IGF2BP2: variants seen among roughly 807,000 people sequenced by gnomAD.
The protein encoded by IGF2BP2 is insulin-like growth factor 2 mRNA-binding protein 2.
IGF2BP2 carries 17 observed loss-of-function variants against 75.8 expected under a neutral mutation model. The observed-to-expected ratio is 0.22, with a 90% CI of 0.15 to 0.34. The LOEUF (loss-of-function observed/expected upper bound fraction) is 0.34. IGF2BP2 is among the 10% of genes least tolerant of loss of function. The probability of loss-of-function intolerance (pLI) is 1.00; values close to 1 mark genes in which losing one functional copy is unlikely to be tolerated. For synonymous variants in IGF2BP2, 288 were observed against 295.6 expected (o/e 0.97, Z 0.26); for missense variants, 516 against 772.4 (o/e 0.67, Z 3.93).
At chr3:185,774,334 G>A (rs564901314) in intron 2 of IGF2BP2, among the ~76,000 whole-genome samples, 50 of 152,254 alleles carry the variant, frequency 3.3e-4, no homozygotes, top group African/African-American at 1.1e-3. Flanking sequence ...GGTGGTTCCC[G>A]CCTGTAAGGC....
chr3:185,677,024 GAGATATATATATATATGGAGATAT>G (rs1200254368), intron 7 of IGF2BP2, among the ~76,000 whole-genome samples: 1 of 93,868 alleles, frequency 1.1e-5, no homozygotes, highest in African/African-American at 4.5e-5. Context: ...TATATGGAGA[GAGATATATATATATATGGAGATAT>G]ATATATATAT....
intron 1 of IGF2BP2, 29 bp from the exon 2 acceptor site, chr3:185,823,242 AC>A: frequency 6.3e-7 from 1 of 1,579,068 alleles, no homozygotes; most frequent in Non-Finnish European, 8.6e-7. Context: ...AGCACTCAGA[AC>A]CTTGCTTAGA....
Position 185,645,496 on chromosome 3 carries a change from A to G in IGF2BP2, c.*35T>C. 1 of 1,444,362 alleles carries G rather than the reference A, an allele frequency of 6.9e-7. No homozygotes were observed. Among genetic ancestry groups the G allele is most frequent in the Non-Finnish European group, 9.7e-7 (1 of 1,025,686 alleles). The allele number at this position is 1,444,362 out of a possible 1,614,324, so 89.5% of individuals were successfully genotyped here. A position where few individuals can be genotyped will look rare whatever the true frequency, so the allele number is the denominator to read the frequency against. ...TTCTGTCAGGTGTTGGAAGGGCTACATTCATCCGTTGTTTTGCTGGTGCCT... is the reference window on the plus strand; with the variant it reads ...TTCTGTCAGGTGTTGGAAGGGCTACGTTCATCCGTTGTTTTGCTGGTGCCT... On this transcript the variant is annotated 3_prime_UTR_variant, in exon 16 of 16. Transcript: ENST00000382199. The surrounding 1 kb of genome is among the most constrained non-coding windows in gnomAD (Gnocchi z 4.9).
intron 10 of IGF2BP2, among the ~76,000 whole-genome samples, chr3:185,659,855 C>A (rs1577849404): frequency 6.6e-6 from 1 of 151,186 alleles, no homozygotes; most frequent in African/African-American, 2.4e-5. Context: ...AGTGCAGTGG[C>A]GCAATCTCGG....
intron 2 of IGF2BP2, among the ~76,000 whole-genome samples, chr3:185,731,083 G>GT (rs1728102052): frequency 6.6e-6 from 1 of 152,064 alleles, no homozygotes; most frequent in South Asian, 2.1e-4. Flanking sequence ...AACTTCCTCG[G>GT]TTTTAACTCC....
chr3:185,781,776 T>C (rs1735230956), intron 2 of IGF2BP2, among the ~76,000 whole-genome samples: 1 of 151,996 alleles, frequency 6.6e-6, no homozygotes, highest in Non-Finnish European at 1.5e-5. Flanking sequence ...TCATAAGTTG[T>C]TTGTGTTTGT....
rs1713102883 is a variant in IGF2BP2 at position 185,644,071 on chromosome 3, C to T, written c.*1460G>A. ...GACAATTCAGAACAGCTGTTGCACACTTGGACTGTCACCTTCTCCAGGCTG... is the reference window on the plus strand; with the variant it reads ...GACAATTCAGAACAGCTGTTGCACATTTGGACTGTCACCTTCTCCAGGCTG... On this transcript the variant is annotated 3_prime_UTR_variant, in exon 16 of 16. Coordinates refer to ENST00000382199, the MANE Select transcript of IGF2BP2 (RefSeq NM_006548.6). 6.6e-6 allele frequency: 1 copy of T among 152,162 alleles called. No individual in the cohort carries two copies. The highest frequency in any genetic ancestry group is 6.6e-5 in the Admixed American group (1 of 15,232). The allele number at this position is 152,162 out of a possible 1,614,324, so 9.4% of individuals were successfully genotyped here.
At chr3:185,823,272 A>AG (rs982362818) in intron 1 of IGF2BP2, 59 bp from the exon 2 acceptor site, 476 of 1,358,734 alleles carry the variant, frequency 3.5e-4, no homozygotes, top group Non-Finnish European at 4.3e-4. Context: ...GCGGGGGTCT[A>AG]GGGGGGGCAC....
At chr3:185,691,483 A>G (rs781698272) in intron 5 of IGF2BP2, among the ~76,000 whole-genome samples, 9 of 152,356 alleles carry the variant, frequency 5.9e-5, no homozygotes, top group Non-Finnish European at 1.3e-4. Context: ...ATGTTGAAAA[A>G]GAACACTATA....
chr3:185,792,286 T>A (rs1209511512), intron 2 of IGF2BP2, among the ~76,000 whole-genome samples: 2 of 152,082 alleles, frequency 1.3e-5, no homozygotes, highest in Non-Finnish European at 2.9e-5. Context: ...AAATTGAGTA[T>A]CTGCTTTTCT....
chr3:185,720,301 G>A (rs1283233802), intron 2 of IGF2BP2, among the ~76,000 whole-genome samples: 1 of 152,012 alleles, frequency 6.6e-6, no homozygotes, highest in East Asian at 1.9e-4. Context: ...CAATTTCTGT[G>A]GTGTAAATAC....
At chr3:185,761,890 C>T (rs545901244) in intron 2 of IGF2BP2, among the ~76,000 whole-genome samples, 15 of 152,296 alleles carry the variant, frequency 9.8e-5, no homozygotes, top group East Asian at 1.9e-4. Flanking sequence ...CAAGGGGGCA[C>T]GGAGTGAAAA....
intron 2 of IGF2BP2, among the ~76,000 whole-genome samples, chr3:185,820,714 T>C (rs1475639709): frequency 1.3e-5 from 2 of 152,224 alleles, no homozygotes; most frequent in East Asian, 3.9e-4. Flanking sequence ...AAACTATCAT[T>C]AACCTTAAAA....
intron 2 of IGF2BP2, among the ~76,000 whole-genome samples, chr3:185,820,229 T>TACACACACAC (rs1280743933): frequency 7.5e-6 from 1 of 133,818 alleles, no homozygotes; most frequent in South Asian, 2.4e-4. Context: ...TGTGTATATA[T>TACACACACAC]ACACATACAC....
intron 10 of IGF2BP2, among the ~76,000 whole-genome samples, chr3:185,669,583 G>GTC (rs1718206315): frequency 1.4e-5 from 2 of 143,722 alleles, no homozygotes; most frequent in Non-Finnish European, 3.0e-5. Context: ...AAGGGGGGGG[G>GTC]GTAAAGTTTT....
chr3:185,808,490 A>G (rs1739358071), intron 2 of IGF2BP2, among the ~76,000 whole-genome samples: 3 of 152,110 alleles, frequency 2.0e-5, no homozygotes, highest in South Asian at 4.1e-4. Context: ...CAAAAATACT[A>G]AATAATAATA....
intron 2 of IGF2BP2, among the ~76,000 whole-genome samples, chr3:185,801,456 C>G (rs1738251213): frequency 6.7e-6 from 1 of 149,930 alleles, no homozygotes; most frequent in Non-Finnish European, 1.5e-5. Context: ...GTCATTGCAC[C>G]CCAGCCTGGG....
intron 2 of IGF2BP2, among the ~76,000 whole-genome samples, chr3:185,700,162 C>T (rs1300725486): frequency 2.0e-5 from 3 of 151,912 alleles, no homozygotes; most frequent in African/African-American, 7.3e-5. Flanking sequence ...ATCTGGGCAA[C>T]AGCCCCAGAG....
At chr3:185,698,811 G>GTTGC (rs1553863587) in intron 2 of IGF2BP2, among the ~76,000 whole-genome samples, 4 of 150,896 alleles carry the variant, frequency 2.7e-5, no homozygotes, top group Non-Finnish European at 5.9e-5. Context: ...GTTTTTTGTT[G>GTTGC]TTGTTTGTTT....
Sources: gnomAD v4.1 joint callset for allele counts (sites outside exome capture counted in the v4.1 genomes callset) on GRCh38, gnomAD v4.1.1 for gene constraint, Gnocchi (gnomAD v3.1) non-coding constraint, MANE v1.5 for transcripts, NCBI Gene and HGNC (gene_info 2026-07-23, HGNC 2026-07-21) for gene names.